Variants in CLMN observed in about 807,000 individuals in gnomAD.
CLMN encodes calmin, also known as calmin (calponin-like, transmembrane).
CLMN carries 57 observed loss-of-function variants against 92.7 expected under a neutral mutation model. The observed-to-expected ratio is 0.61, with a 90% CI of 0.50 to 0.77. CLMN has a LOEUF of 0.77. Among genes scored for constraint, CLMN ranks in the 30% least tolerant of loss-of-function variants. The pLI is 0.00. For missense variants in CLMN, 1,158 were observed against 1,237.5 expected (o/e 0.94, Z 0.96); for synonymous variants, 466 against 470.6 (o/e 0.99, Z 0.13).
intron 9 of CLMN, among the ~76,000 whole-genome samples, chr14:95,201,564 TC>T (rs1026068618): frequency 6.7e-6 from 1 of 150,190 alleles, no homozygotes; most frequent in Non-Finnish European, 1.5e-5. Context: ...GGCTTTTTTT[TC>T]CTTTTTTTTT....
chr14:95,270,497 A>G (rs1025601822), intron 1 of CLMN, among the ~76,000 whole-genome samples: 3 of 152,208 alleles, frequency 2.0e-5, no homozygotes, highest in Non-Finnish European at 4.4e-5. Context: ...TTCTAGCTCC[A>G]TTGATCTGGA....
chr14:95,243,106 G>C (rs1352375417), intron 1 of CLMN, among the ~76,000 whole-genome samples: 1 of 152,198 alleles, frequency 6.6e-6, no homozygotes, highest in Non-Finnish European at 1.5e-5. Context: ...TTCTTTGTAT[G>C]ATCAAGTGGT....
chr14:95,305,893 A>C (rs1438530430), intron 1 of CLMN, among the ~76,000 whole-genome samples: 1 of 152,220 alleles, frequency 6.6e-6, no homozygotes, highest in Non-Finnish European at 1.5e-5. Flanking sequence ...GGAACACTTC[A>C]ATACGCTGAA....
chr14:95,191,839 A>T lies in CLMN; in HGVS notation c.2841-107T>A. 4.7e-6 allele frequency: 5 copies of T among 1,063,292 alleles called. No homozygotes were observed. The highest frequency in any genetic ancestry group is 2.5e-5 in the East Asian group (1 of 39,854). The allele number at this position is 1,063,292 out of a possible 1,614,324, so 65.9% of individuals were successfully genotyped here. ...CCCGGCCCCCACTCCCCGCCTGAAG[A>T]CCCGAAGGCTCCCCAGCACCATGTC... On this transcript the variant is annotated intron_variant, in intron 12 of 12. Transcript: ENST00000298912. This position sits in a 1 kb window ranked among gnomAD's most constrained non-coding sequence, Gnocchi z 5.3.
At chr14:95,319,603 C>G (rs540466710) in intron 1 of CLMN, 108 bp downstream of exon 1, 4 of 904,280 alleles carry the variant, frequency 4.4e-6, no homozygotes, top group South Asian at 1.6e-5. Context: ...ACAGGAACAA[C>G]GAGCGGCCGG....
intron 12 of CLMN, chr14:95,192,070 G>T (rs1057393752): frequency 1.0e-5 from 2 of 200,942 alleles, no homozygotes; most frequent in African/African-American, 2.3e-5. Context: ...GACAGAGAGG[G>T]CGCCTAGGCC....
At chr14:95,245,169 T>TTATATTATATATATATATATA (rs1898415471) in intron 1 of CLMN, among the ~76,000 whole-genome samples, 1 of 55,676 alleles carries the variant, frequency 1.8e-5, no homozygotes, top group Non-Finnish European at 3.2e-5. Context: ...CTGTAACTGG[T>TTATATTATATATATATATATA]TATATTATAT....
chr14:95,257,891 C>T (rs1182225306), intron 1 of CLMN, among the ~76,000 whole-genome samples: 2 of 152,180 alleles, frequency 1.3e-5, no homozygotes, highest in South Asian at 2.1e-4. Context: ...CCTCATTTCC[C>T]GCTTGGTAGA....
At chr14:95,274,144 G>T (rs1426398254) in intron 1 of CLMN, among the ~76,000 whole-genome samples, 4 of 152,068 alleles carry the variant, frequency 2.6e-5, no homozygotes, top group African/African-American at 9.7e-5. Flanking sequence ...TCCCTAATTT[G>T]CCATCCAGAC....
chr14:95,300,135 G>A (rs577247900), intron 1 of CLMN, among the ~76,000 whole-genome samples: 19 of 152,276 alleles, frequency 1.2e-4, no homozygotes, highest in Non-Finnish European at 2.4e-4. Context: ...AGTGGGGCAC[G>A]GTGTGGCCAC....
chr14:95,268,289 C>T (rs1187374489), intron 1 of CLMN, among the ~76,000 whole-genome samples: 2 of 150,246 alleles, frequency 1.3e-5, no homozygotes, highest in Non-Finnish European at 2.9e-5. Flanking sequence ...ATATGTGTAT[C>T]GTTTATGTAA....
Position 95,183,631 on chromosome 14 carries a change from C to A in CLMN, c.*7933G>T, listed in dbSNP as rs1896376646. 1 of 152,150 alleles carries A rather than the reference C, an allele frequency of 6.6e-6. No homozygotes were observed. The highest frequency in any genetic ancestry group is 2.4e-5 in the African/African-American group (1 of 41,426). 9.4% of individuals were successfully genotyped at this position (152,150 alleles called of 1,614,324 possible). A position where few individuals can be genotyped will look rare whatever the true frequency, so the allele number is the denominator to read the frequency against. On this transcript the variant is annotated 3_prime_UTR_variant, in exon 13 of 13. Coordinates refer to ENST00000298912, the MANE Select transcript of CLMN (RefSeq NM_024734.4). ...CTCTGTGAAGTACGTGTTAGAGGTG[C>A]AGAGATGAGCAGCTGGGGGCAGGAT...
chr14:95,238,267 G>A (rs1186834712), intron 1 of CLMN, among the ~76,000 whole-genome samples: 1 of 152,218 alleles, frequency 6.6e-6, no homozygotes, highest in South Asian at 2.1e-4. Flanking sequence ...GCCTCATGCT[G>A]GTTCACTTGA....
Position 95,294,470 on chromosome 14 carries a change from G to A in CLMN, c.82+25241C>T, listed in dbSNP as rs1900727025. 6.6e-6 allele frequency among the ~76,000 whole-genome samples: 1 copy of A among 152,150 alleles called. No individual in the cohort carries two copies. Among genetic ancestry groups the A allele is most frequent in the South Asian group, 2.1e-4 (1 of 4,828 alleles). On this transcript the variant is annotated intron_variant, in intron 1 of 12. Coordinates refer to ENST00000298912, the MANE Select transcript of CLMN (RefSeq NM_024734.4). The surrounding 1 kb of genome is among the most constrained non-coding windows in gnomAD (Gnocchi z 4.2). ...AGTCTGGGCCAAGAGGCATCCGCGG[G>A]GAAGGATCCTGTCCAACAGAAAGGC...
chr14:95,318,920 G>C (rs1901914330), intron 1 of CLMN, among the ~76,000 whole-genome samples: 1 of 152,168 alleles, frequency 6.6e-6, no homozygotes, highest in Admixed American at 6.5e-5. Context: ...TTTCCACATT[G>C]AATAAATTCT....
intron 1 of CLMN, among the ~76,000 whole-genome samples, chr14:95,308,647 C>T (rs965252367): frequency 9.2e-5 from 14 of 152,168 alleles, no homozygotes; most frequent in Non-Finnish European, 8.8e-5. Context: ...AGCCTACCAA[C>T]CCCCTCCCCG....
At chr14:95,273,501 T>C (rs1049736633) in intron 1 of CLMN, among the ~76,000 whole-genome samples, 2 of 152,150 alleles carry the variant, frequency 1.3e-5, no homozygotes, top group Non-Finnish European at 2.9e-5. Flanking sequence ...AACACTCCAA[T>C]CTGTGGCTGG....
intron 1 of CLMN, among the ~76,000 whole-genome samples, chr14:95,252,091 C>T (rs1019271410): frequency 2.0e-5 from 3 of 152,202 alleles, no homozygotes; most frequent in Non-Finnish European, 4.4e-5. Context: ...TCGGGGTGGT[C>T]CTTCCTTCTC....
At chr14:95,242,250 CTTTTTTTTTTTTTTT>C (rs371417505) in intron 1 of CLMN, among the ~76,000 whole-genome samples, 3 of 92,586 alleles carry the variant, frequency 3.2e-5, no homozygotes, top group Non-Finnish European at 6.9e-5. Flanking sequence ...TTTTCTTTTT[CTTTTTTTTTTTTTTT>C]TTTTTTTTTT....
Sources: gnomAD v4.1 joint callset for allele counts (sites outside exome capture counted in the v4.1 genomes callset) on GRCh38, gnomAD v4.1.1 for gene constraint, Gnocchi (gnomAD v3.1) non-coding constraint, MANE v1.5 for transcripts, NCBI Gene and HGNC (gene_info 2026-07-23, HGNC 2026-07-21) for gene names.